AGFG2: variants seen among roughly 807,000 people sequenced by gnomAD.
AGFG2 encodes the protein ArfGAP with FG repeats 2, also known as arf-GAP domain and FG repeat-containing protein 2.
In AGFG2, 31 loss-of-function variants were observed where a neutral mutation model predicts 48.0. The observed-to-expected ratio is 0.65, with a 90% CI of 0.49 to 0.87. AGFG2 has a LOEUF of 0.87. AGFG2 is among the 40% of genes least tolerant of loss of function. AGFG2 has a pLI of 0.00. For synonymous variants in AGFG2, 229 were observed against 260.8 expected, an observed-to-expected ratio of 0.88 and a Z score of 1.18; for missense variants, 599 against 632.6, an observed-to-expected ratio of 0.95 and a Z score of 0.57.
At position 100,565,637 on chromosome 7, in the gene AGFG2, A is replaced by G. The variant is rs1800989895; in HGVS notation, c.*646A>G. 1 of 153,172 alleles carries G rather than the reference A, an allele frequency of 6.5e-6. No homozygotes were observed. Among genetic ancestry groups the G allele is most frequent in the African/African-American group, 2.4e-5 (1 of 41,452 alleles). 9.5% of individuals were successfully genotyped at this position (153,172 alleles called of 1,614,324 possible). ...CAGTGTTTTATATTTATACATAGAG[A>G]GGATTTTCTAATATAGCCTATTATA... On this transcript the variant is annotated 3_prime_UTR_variant, in exon 12 of 12. Coordinates refer to ENST00000300176, the MANE Select transcript of AGFG2 (RefSeq NM_006076.5).
At position 100,566,725 on chromosome 7, in the gene AGFG2, C is replaced by A. The variant is rs1801015237; in HGVS notation, c.*1734C>A. Reference sequence around the variant, plus strand: ...CTGTTCTTCTCCCAGCCTCTGCCCTCCTTCTGTCTCCTGGGTGGTCTCCCG... The same window carrying A: ...CTGTTCTTCTCCCAGCCTCTGCCCTACTTCTGTCTCCTGGGTGGTCTCCCG... On this transcript the variant is annotated 3_prime_UTR_variant, in exon 12 of 12. Coordinates refer to ENST00000300176, the MANE Select transcript of AGFG2 (RefSeq NM_006076.5). 1 of 152,414 alleles carries A rather than the reference C, an allele frequency of 6.6e-6. No homozygotes were observed. Among genetic ancestry groups the A allele is most frequent in the African/African-American group, 2.4e-5 (1 of 41,466 alleles). 9.4% of individuals were successfully genotyped at this position (152,414 alleles called of 1,614,324 possible). A position where few individuals can be genotyped will look rare whatever the true frequency, so the allele number is the denominator to read the frequency against.
At chr7:100,540,050 C>T (rs1035199748) in intron 1 of AGFG2, among the ~76,000 whole-genome samples, 3 of 151,644 alleles carry the variant, frequency 2.0e-5, no homozygotes, top group African/African-American at 7.3e-5. Flanking sequence ...GGCTTGTGTC[C>T]CTGCTGGAGT....
intron 1 of AGFG2, 36 bp downstream of exon 1, chr7:100,539,603 G>A: frequency 1.6e-6 from 2 of 1,237,336 alleles, no homozygotes; most frequent in African/African-American, 1.6e-5. Context: ...AGGTCGGCGT[G>A]GGGGGACCCG....
intron 1 of AGFG2, among the ~76,000 whole-genome samples, chr7:100,547,580 A>G (rs1008997137): frequency 3.3e-5 from 5 of 152,120 alleles, no homozygotes; most frequent in East Asian, 1.9e-4. Flanking sequence ...GAACCTATGA[A>G]GCCCTGCCTG....
chr7:100,542,913 T>G (rs536529544), intron 1 of AGFG2, among the ~76,000 whole-genome samples: 1 of 152,178 alleles, frequency 6.6e-6, no homozygotes. Context: ...ACAGTAGTGA[T>G]AAGTTCCCAT....
chr7:100,557,251 T>G (rs1800778788), intron 6 of AGFG2, among the ~76,000 whole-genome samples: 1 of 151,542 alleles, frequency 6.6e-6, no homozygotes, highest in African/African-American at 2.4e-5. Flanking sequence ...AATCATGTAC[T>G]TAAAATAACT....
chr7:100,540,646 G>C (rs1800405111), intron 1 of AGFG2, among the ~76,000 whole-genome samples: 1 of 152,108 alleles, frequency 6.6e-6, no homozygotes, highest in Admixed American at 6.6e-5. Flanking sequence ...TTTTTAATAA[G>C]TTTGTCAAGG....
chr7:100,540,897 A>C (rs1800409568), intron 1 of AGFG2, among the ~76,000 whole-genome samples: 1 of 151,346 alleles, frequency 6.6e-6, no homozygotes, highest in South Asian at 2.1e-4. Context: ...CTGTACTCCC[A>C]GCTACTTGGG....
At chr7:100,559,213 T>C (rs1451123898) in intron 6 of AGFG2, among the ~76,000 whole-genome samples, 1 of 152,178 alleles carries the variant, frequency 6.6e-6, no homozygotes, top group Non-Finnish European at 1.5e-5. Flanking sequence ...GGTGCCTTCA[T>C]GCATTATGTC....
At position 100,564,105 on chromosome 7, in the gene AGFG2, G is replaced by C. The variant is rs141099140; in HGVS notation, c.1301-113G>C. On this transcript the variant is annotated intron_variant, in intron 10 of 11. Coordinates refer to ENST00000300176, the MANE Select transcript of AGFG2 (RefSeq NM_006076.5). ...GACCAGGGAAGCACCAGACCCGCCC[G>C]GGTACTTCCACTGCTCTGTTCCCTT... 5.8e-3 allele frequency: 8,793 copies of C among 1,524,534 alleles called. 45 individuals are homozygous for C. Among genetic ancestry groups the C allele is most frequent in the Middle Eastern group, 8.1e-3 (36 of 4,438 alleles). The allele number at this position is 1,524,534 out of a possible 1,614,324, so 94.4% of individuals were successfully genotyped here.
chr7:100,557,590 A>G (rs1228545374), intron 6 of AGFG2, among the ~76,000 whole-genome samples: 2 of 152,082 alleles, frequency 1.3e-5, no homozygotes, highest in African/African-American at 4.8e-5. Context: ...GCATGCCACC[A>G]TGCCCGGCTA....
At chr7:100,548,755 C>T in intron 1 of AGFG2, 67 bp from the exon 2 acceptor site, 1 of 1,241,644 alleles carries the variant, frequency 8.1e-7, no homozygotes, top group Non-Finnish European at 1.2e-6. Context: ...TCCTCCTCCT[C>T]CTCCCATGAA....
At chr7:100,546,079 G>T (rs1800504645) in intron 1 of AGFG2, among the ~76,000 whole-genome samples, 1 of 152,078 alleles carries the variant, frequency 6.6e-6, no homozygotes, top group African/African-American at 2.4e-5. Context: ...GAAACATCCT[G>T]TTCCATCAGA....
Position 100,566,749 on chromosome 7 carries a change from C to T in AGFG2, c.*1758C>T, listed in dbSNP as rs73156204. The T allele has an allele frequency of 1.7e-3, 254 of 152,558 alleles. 1 individual carries two copies. The highest frequency in any genetic ancestry group is 3.2e-3 in the Non-Finnish European group (218 of 68,176). 9.5% of individuals were successfully genotyped at this position (152,558 alleles called of 1,614,324 possible). A position where few individuals can be genotyped will look rare whatever the true frequency, so the allele number is the denominator to read the frequency against. ...TCCTTCTGTCTCCTGGGTGGTCTCC[C>T]GCTTCGCTCCTGGCCTTTGCATGTT... On this transcript the variant is annotated 3_prime_UTR_variant, in exon 12 of 12. Transcript: ENST00000300176.
intron 3 of AGFG2, among the ~76,000 whole-genome samples, chr7:100,551,033 TA>T (rs1800622696): frequency 7.9e-5 from 3 of 38,172 alleles, no homozygotes; most frequent in East Asian, 3.9e-4. Context: ...GGCTAATTTA[TA>T]TATATATATA....
At chr7:100,547,687 G>A (rs1800540525) in intron 1 of AGFG2, among the ~76,000 whole-genome samples, 1 of 152,148 alleles carries the variant, frequency 6.6e-6, no homozygotes, top group African/African-American at 2.4e-5. Flanking sequence ...CAGGGTTCCT[G>A]GAGGCAGAAC....
At chr7:100,544,534 A>C (rs1032184821) in intron 1 of AGFG2, among the ~76,000 whole-genome samples, 1 of 151,994 alleles carries the variant, frequency 6.6e-6, no homozygotes, top group African/African-American at 2.4e-5. Flanking sequence ...GTACACATGT[A>C]CCTTGCCCCT....
intron 10 of AGFG2, 67 bp from the exon 11 acceptor site, chr7:100,564,151 C>G: frequency 1.3e-6 from 2 of 1,555,684 alleles, no homozygotes; most frequent in Admixed American, 1.9e-5. Context: ...TTTAGGAGGG[C>G]CCCCCTTGCT....
At chr7:100,563,632 C>T (rs1800929586) in intron 9 of AGFG2, among the ~76,000 whole-genome samples, 1 of 152,218 alleles carries the variant, frequency 6.6e-6, no homozygotes, top group African/African-American at 2.4e-5. Context: ...ACCATGCCCT[C>T]CCTGCCACGT....
Sources: allele counts gnomAD v4.1 joint callset (sites outside exome capture counted in the v4.1 genomes callset), GRCh38; gene constraint gnomAD v4.1.1; transcripts MANE v1.5; gene names NCBI Gene and HGNC (gene_info 2026-07-23, HGNC 2026-07-21).